CELA3A: variants seen among roughly 807,000 people sequenced by gnomAD.
CELA3A encodes chymotrypsin like elastase 3A.
CELA3A carries 35 observed loss-of-function variants against 38.6 expected under a neutral mutation model. That is an observed-to-expected ratio of 0.91 (90% CI 0.69 to 1.20). The LOEUF is 1.20. Ranked by LOEUF, CELA3A falls within the 50% of genes most tolerant of loss-of-function variation. The pLI is 0.00. For synonymous variants in CELA3A, 143 were observed against 136.7 expected (o/e 1.05, Z -0.32); for missense variants, 343 against 354.2 (o/e 0.97, Z 0.25).
At chr1:22,010,486 G>A (rs2152819960) in intron 7 of CELA3A, among the ~76,000 whole-genome samples, 1 of 150,870 alleles carries the variant, frequency 6.6e-6, no homozygotes, top group East Asian at 2.0e-4. Context: ...GCATGGTGGT[G>A]GGTGCCTGTA....
At chr1:22,008,523 G>T (rs1271413995) in intron 6 of CELA3A, among the ~76,000 whole-genome samples, 4 of 150,826 alleles carry the variant, frequency 2.7e-5, no homozygotes, top group Non-Finnish European at 5.9e-5. Flanking sequence ...ACTTTGGGAG[G>T]CCGAGCCGGG....
intron 4 of CELA3A, 125 bp downstream of exon 4, chr1:22,005,921 G>C (rs1644947421): frequency 1.3e-6 from 2 of 1,563,400 alleles, no homozygotes; most frequent in Admixed American, 3.5e-5. Flanking sequence ...TAGGGACAGG[G>C]GAGCTGAGTC....
chr1:22,005,008 A>T (rs967768710), intron 2 of CELA3A, among the ~76,000 whole-genome samples: 1 of 150,704 alleles, frequency 6.6e-6, no homozygotes, highest in Non-Finnish European at 1.5e-5. Flanking sequence ...CTGAGACAGG[A>T]GAATCGCTTG....
At chr1:22,006,642 T>C (rs1452109356) in intron 4 of CELA3A, among the ~76,000 whole-genome samples, 2 of 148,744 alleles carry the variant, frequency 1.3e-5, no homozygotes, top group African/African-American at 2.5e-5. Flanking sequence ...GAGGATCCCT[T>C]GGCCCAGGAG....
rs757890659 is a variant in CELA3A at position 22,007,376 on chromosome 1, A to G, written c.503A>G (p.Asn168Ser). The G allele has an allele frequency of 5.0e-6, 8 of 1,609,612 alleles. No homozygotes were observed. In the South Asian group the frequency reaches 6.6e-5, roughly 13 times the overall value. The change falls in exon 6 of 8, where the codon AAT (asparagine) becomes AGT (serine). Residue 168 changes from asparagine to serine, a missense_variant. Physicochemically the swap from Asn to Ser is conservative, Grantham distance 46 (BLOSUM62 1). Transcript: ENST00000290122. ...TCGGTGCTTTTTATCCTTGCAGCCA[A>G]TGGGCCACTCCCAGACAAGCTGCAG... The part of the protein sequence containing the change: ...YITGWGRLYT[N>S]GPLPDKLQQA...
chr1:22,001,845 C>T (rs1344486154), intron 1 of CELA3A, 128 bp downstream of exon 1: 2 of 1,344,052 alleles, frequency 1.5e-6, no homozygotes, highest in East Asian at 4.7e-5. Context: ...CAGCTTGTAC[C>T]CGGGGGCATG....
chr1:22,002,438 T>TC (rs1303433968), intron 1 of CELA3A: 1 of 432,876 alleles, frequency 2.3e-6, no homozygotes, highest in Non-Finnish European at 4.6e-6. Flanking sequence ...CCTCAAGCAA[T>TC]CCTACCACCT....
In CELA3A at chr1:22,011,649, A is replaced by G. The variant is rs780832318; in HGVS notation, c.796-801A>G. The stretch of plus-strand genomic sequence containing the variant: ...GTAGTGCGTCGCTGTAATCTCAGCT[A>G]CTTGGGAGGTTGAGGCAGAAGAATT... On this transcript the variant is annotated intron_variant, in intron 7 of 7. Coordinates refer to ENST00000290122, the MANE Select transcript of CELA3A (RefSeq NM_005747.5). Among the ~76,000 whole-genome samples, 9 of 124,866 alleles carry G rather than the reference A, an allele frequency of 7.2e-5. 2 individuals are homozygous for G. Among genetic ancestry groups the G allele is most frequent in the African/African-American group, 1.7e-4 (5 of 30,220 alleles). 81.9% of individuals were successfully genotyped at this position (124,866 alleles called of 152,430 possible). A position where few individuals can be genotyped will look rare whatever the true frequency, so the allele number is the denominator to read the frequency against.
At chr1:22,009,538 C>G (rs779049270) in intron 6 of CELA3A, among the ~76,000 whole-genome samples, 167 bp from the exon 7 acceptor site, 15 of 151,014 alleles carry the variant, frequency 9.9e-5, no homozygotes, top group Non-Finnish European at 1.9e-4. Flanking sequence ...GACAGCAGAG[C>G]GAGACTCCAT....
At chr1:22,006,327 C>A (rs1644949776) in intron 4 of CELA3A, among the ~76,000 whole-genome samples, 1 of 151,206 alleles carries the variant, frequency 6.6e-6, no homozygotes, top group African/African-American at 2.5e-5. Context: ...GTGTGAAGGC[C>A]AAGGAGACAA....
At position 22,007,503 on chromosome 1, in the gene CELA3A, C is replaced by T. The variant is rs1212090728; in HGVS notation, c.630C>T (p.Arg210=). 1 of 1,610,174 alleles carries T rather than the reference C, an allele frequency of 6.2e-7. No homozygotes were observed. Among genetic ancestry groups the T allele is most frequent in the African/African-American group, 1.3e-5 (1 of 74,294 alleles). Residue 210 remains arginine (R), a synonymous_variant, in exon 6 of 8, where the codon CGC becomes CGT. Transcript: ENST00000290122. Reference sequence around the variant, plus strand: ...TGGTGTGTGCTGGAGGGTACATCCGCTCCGGCTGCAACGTGAGTCAGCTCT... The same window carrying T: ...TGGTGTGTGCTGGAGGGTACATCCGTTCCGGCTGCAACGTGAGTCAGCTCT... The part of the protein sequence containing the change: ...KTMVCAGGYI[R]SGCNGDSGGP...
chr1:22,007,692 G>A (rs1460059060), intron 6 of CELA3A, among the ~76,000 whole-genome samples, 177 bp downstream of exon 6: 1 of 151,042 alleles, frequency 6.6e-6, no homozygotes, highest in African/African-American at 2.5e-5. Context: ...CTGGGAGTCA[G>A]GACCCCCGGG....
chr1:22,008,835 C>T (rs1200726987), intron 6 of CELA3A, among the ~76,000 whole-genome samples: 2 of 152,038 alleles, frequency 1.3e-5, no homozygotes, highest in Non-Finnish European at 2.9e-5. Context: ...TATGGTGCCA[C>T]TAATAAGAAC....
Position 22,003,516 on chromosome 1 carries a change from T to G in CELA3A, c.129+428T>G, listed in dbSNP as rs138501803. 2.2e-3 allele frequency among the ~76,000 whole-genome samples: 327 copies of G among 150,454 alleles called. 15 individuals carry two copies. Among genetic ancestry groups the G allele is most frequent in the African/African-American group, 7.7e-3 (314 of 40,532 alleles). On this transcript the variant is annotated intron_variant, in intron 2 of 7. Transcript: ENST00000290122. ...GCTGGACTTGATGTGCTGTGGCTAT[T>G]TAAATTTAATTAAATTAGGCCAGGT...
chr1:22,006,163 G>T lies in CELA3A; in HGVS notation c.362+367G>T, dbSNP rs568623178. 1.2e-4 allele frequency: 31 copies of T among 252,488 alleles called. 2 individuals are homozygous for T. The highest frequency in any genetic ancestry group is 6.3e-4 in the African/African-American group (29 of 45,722). 15.6% of individuals were successfully genotyped at this position (252,488 alleles called of 1,614,324 possible). A position where few individuals can be genotyped will look rare whatever the true frequency, so the allele number is the denominator to read the frequency against. On this transcript the variant is annotated intron_variant, in intron 4 of 7. Coordinates refer to ENST00000290122, the MANE Select transcript of CELA3A (RefSeq NM_005747.5). Reference sequence around the variant, plus strand: ...TAGATGGCTCACCCAGTGCATCCTGGGCTCCCAGCACTATGGGCAAAAGGA... The same window carrying T: ...TAGATGGCTCACCCAGTGCATCCTGTGCTCCCAGCACTATGGGCAAAAGGA...
At position 22,001,683 on chromosome 1, in the gene CELA3A, C is replaced by T; in HGVS notation, c.9C>T (p.Leu3=). The stretch of plus-strand genomic sequence containing the variant: ...CTATCATCACAAAACTCATGATGCT[C>T]CGGCTGCTCAGTTCCCTCCTCCTTG... The part of the protein sequence containing the change: MM[L]RLLSSLLLVA... Residue 3 remains leucine (L), a synonymous_variant, in exon 1 of 8, where the codon CTC becomes CTT. Transcript: ENST00000290122. 6.2e-7 allele frequency: 1 copy of T among 1,612,150 alleles called. No individual in the cohort carries two copies. Among genetic ancestry groups the T allele is most frequent in the Non-Finnish European group, 8.5e-7 (1 of 1,179,412 alleles).
chr1:22,012,349 C>T, intron 7 of CELA3A, 101 bp from the exon 8 acceptor site: 1 of 1,364,352 alleles, frequency 7.3e-7, no homozygotes, highest in South Asian at 1.2e-5. Flanking sequence ...ATCCCTCTCC[C>T]AGGGTCACAC....
chr1:22,008,700 C>A (rs58053850), intron 6 of CELA3A, among the ~76,000 whole-genome samples: 6 of 144,236 alleles, frequency 4.2e-5, no homozygotes, highest in Non-Finnish European at 7.6e-5. Flanking sequence ...TGGAGCTTGC[C>A]GTGAGCCGAG....
intron 6 of CELA3A, 98 bp from the exon 7 acceptor site, chr1:22,009,607 C>T (rs1387436131): frequency 1.4e-6 from 2 of 1,464,954 alleles, no homozygotes; most frequent in Admixed American, 4.7e-5. Context: ...TCAGAGGTGT[C>T]AAGTAATGTC....
Sources: allele counts gnomAD v4.1 joint callset (sites outside exome capture counted in the v4.1 genomes callset), GRCh38; gene constraint gnomAD v4.1.1; transcripts MANE v1.5; gene names NCBI Gene and HGNC (gene_info 2026-07-23, HGNC 2026-07-21).